Variants in PRKN observed in about 807,000 individuals in gnomAD.
The protein encoded by PRKN is E3 ubiquitin-protein ligase parkin.
In PRKN, 56 loss-of-function variants were observed where a neutral mutation model predicts 59.5. The observed-to-expected ratio is 0.94, with a 90% CI of 0.76 to 1.18. PRKN has a LOEUF of 1.18. Ranked by LOEUF, PRKN falls within the 50% of genes most tolerant of loss-of-function variation. The probability of loss-of-function intolerance (pLI) is 0.00; values close to 1 mark genes in which losing one functional copy is unlikely to be tolerated. For synonymous variants in PRKN, 250 were observed against 222.1 expected (o/e 1.13, Z -1.12); for missense variants, 657 against 596.4 (o/e 1.10, Z -1.06).
chr6:162,200,154 C>T (rs2128329897), intron 4 of PRKN, among the ~76,000 whole-genome samples: 1 of 152,300 alleles, frequency 6.6e-6, no homozygotes, highest in East Asian at 1.9e-4. Flanking sequence ...CACACTTGCA[C>T]ACCTGACTGC....
chr6:161,644,555 G>A (rs990744769), intron 7 of PRKN, among the ~76,000 whole-genome samples: 1 of 152,214 alleles, frequency 6.6e-6, no homozygotes, highest in African/African-American at 2.4e-5. Context: ...ATTCAAGTGG[G>A]CTTGTCTCAT....
chr6:162,101,885 C>A (rs147337927), intron 4 of PRKN, among the ~76,000 whole-genome samples: 5 of 152,246 alleles, frequency 3.3e-5, no homozygotes, highest in African/African-American at 1.2e-4. Context: ...TGTGTATTTC[C>A]TAAAAACAAG....
At chr6:162,037,813 G>A (rs1783907713) in intron 5 of PRKN, among the ~76,000 whole-genome samples, 1 of 151,944 alleles carries the variant, frequency 6.6e-6, no homozygotes, top group Non-Finnish European at 1.5e-5. Context: ...CCAAAGTGCT[G>A]GGATTACAGG....
At chr6:161,907,180 T>C (rs1429617979) in intron 6 of PRKN, among the ~76,000 whole-genome samples, 1 of 152,204 alleles carries the variant, frequency 6.6e-6, no homozygotes, top group African/African-American at 2.4e-5. Context: ...TCTGCCCTTA[T>C]GGATAAAGGA....
intron 7 of PRKN, among the ~76,000 whole-genome samples, chr6:161,658,752 TACTC>T (rs1412005681): frequency 2.0e-5 from 3 of 152,228 alleles, no homozygotes; most frequent in Non-Finnish European, 2.9e-5. Flanking sequence ...TATTCTATGA[TACTC>T]ACAGCATACT....
rs1197333134 is a variant in PRKN at position 161,391,860 on chromosome 6, C to T, written c.1084-4983G>A. Among the ~76,000 whole-genome samples the T allele has an allele frequency of 6.6e-6, 1 of 151,968 alleles. No individual in the cohort carries two copies. The highest frequency in any genetic ancestry group is 6.5e-5 in the Admixed American group (1 of 15,278). ...GTTCCAGCCTGCCCTTCCTGATGGCCACTCTGTGGATTTAGGAGGTGCCTA... is the reference window on the plus strand; with the variant it reads ...GTTCCAGCCTGCCCTTCCTGATGGCTACTCTGTGGATTTAGGAGGTGCCTA... On this transcript the variant is annotated intron_variant, in intron 9 of 11. Coordinates refer to ENST00000366898, the MANE Select transcript of PRKN (RefSeq NM_004562.3). The surrounding 1 kb of genome is among the most constrained non-coding windows in gnomAD (Gnocchi z 4.9).
chr6:161,695,725 A>T (rs1423963163), intron 7 of PRKN, among the ~76,000 whole-genome samples: 1 of 152,214 alleles, frequency 6.6e-6, no homozygotes, highest in Non-Finnish European at 1.5e-5. Flanking sequence ...AAGATGAGAG[A>T]CAGGGTGAGG....
At chr6:162,665,222 G>A (rs1030964074) in intron 1 of PRKN, among the ~76,000 whole-genome samples, 1 of 151,908 alleles carries the variant, frequency 6.6e-6, no homozygotes, top group Non-Finnish European at 1.5e-5. Context: ...GTATTCAAAT[G>A]GGAAGACAGG....
chr6:162,221,650 G>A (rs1308605027), intron 3 of PRKN, among the ~76,000 whole-genome samples: 2 of 151,986 alleles, frequency 1.3e-5, no homozygotes, highest in Non-Finnish European at 2.9e-5. Context: ...ATGCTTCTCC[G>A]GCCTTATTTC....
chr6:162,223,434 C>G (rs1443227458), intron 3 of PRKN, among the ~76,000 whole-genome samples: 1 of 151,946 alleles, frequency 6.6e-6, no homozygotes. Context: ...CTATTAGTAG[C>G]AGCAGTATAA....
chr6:161,653,090 G>A (rs558631928), intron 7 of PRKN, among the ~76,000 whole-genome samples: 3 of 152,262 alleles, frequency 2.0e-5, no homozygotes, highest in South Asian at 2.1e-4. Context: ...TTGGCTGGGC[G>A]CGGTGGCTTA....
intron 4 of PRKN, among the ~76,000 whole-genome samples, chr6:162,116,489 C>T (rs1780678402): frequency 6.6e-6 from 1 of 152,194 alleles, no homozygotes; most frequent in African/African-American, 2.4e-5. Flanking sequence ...GCCTCACGGA[C>T]TTTTTGTCAC....
At chr6:162,482,170 G>C (rs1450478521) in intron 1 of PRKN, among the ~76,000 whole-genome samples, 1 of 152,278 alleles carries the variant, frequency 6.6e-6, no homozygotes, top group Non-Finnish European at 1.5e-5. Context: ...TGTCCAAAAA[G>C]CCAGGCTCCT....
intron 6 of PRKN, among the ~76,000 whole-genome samples, chr6:161,924,678 C>T (rs1023778519): frequency 6.6e-6 from 1 of 152,156 alleles, no homozygotes; most frequent in Admixed American, 6.5e-5. Context: ...CACCCATTCC[C>T]CACTGCCCAG....
intron 9 of PRKN, among the ~76,000 whole-genome samples, chr6:161,508,025 G>A (rs1484378651): frequency 6.6e-6 from 1 of 152,116 alleles, no homozygotes; most frequent in African/African-American, 2.4e-5. Context: ...CTGATAAAAC[G>A]TATCCAGGGA....
chr6:162,390,577 G>T (rs1787130795), intron 2 of PRKN, among the ~76,000 whole-genome samples: 1 of 151,658 alleles, frequency 6.6e-6, no homozygotes, highest in Non-Finnish European at 1.5e-5. Flanking sequence ...GAGTAGCTAG[G>T]ACTATAGATG....
At chr6:161,559,602 T>G (rs7750550) in intron 8 of PRKN, among the ~76,000 whole-genome samples, 24,908 of 152,074 alleles carry the variant, frequency 0.16, 4,166 homozygotes, top group African/African-American at 0.43. Context: ...GGCTCCCTAG[T>G]CTTTTTCTTT....
At chr6:162,597,428 T>C (rs769787638) in intron 1 of PRKN, among the ~76,000 whole-genome samples, 15 of 152,208 alleles carry the variant, frequency 9.9e-5, no homozygotes, top group Non-Finnish European at 1.5e-4. Context: ...TATCCTTAAA[T>C]ATTTTTCCCA....
intron 3 of PRKN, among the ~76,000 whole-genome samples, chr6:162,203,446 G>A (rs1241390428): frequency 2.0e-5 from 3 of 152,148 alleles, no homozygotes; most frequent in African/African-American, 7.2e-5. Flanking sequence ...ACTTGGTCAA[G>A]CAGCTGGGGC....
Sources: gnomAD v4.1 joint callset for allele counts (sites outside exome capture counted in the v4.1 genomes callset) on GRCh38, gnomAD v4.1.1 for gene constraint, Gnocchi (gnomAD v3.1) non-coding constraint, MANE v1.5 for transcripts, NCBI Gene and HGNC (gene_info 2026-07-23, HGNC 2026-07-21) for gene names.